MNAT1: variants seen among roughly 807,000 people sequenced by gnomAD.
MNAT1 encodes CDK-activating kinase assembly factor MAT1.
A neutral mutation model predicts 42.0 loss-of-function variants in MNAT1; 43 were observed. The observed-to-expected ratio is 1.02, with a 90% CI of 0.80 to 1.32. The LOEUF is 1.32. Among genes scored for constraint, MNAT1 ranks in the 40% most tolerant of loss-of-function variants. MNAT1 has a pLI of 0.00. For missense variants in MNAT1, 306 were observed against 350.4 expected (o/e 0.87, Z 1.01); for synonymous variants, 118 against 120.0 (o/e 0.98, Z 0.11).
intron 5 of MNAT1, 72 bp downstream of exon 5, chr14:60,812,199 T>C (rs2032574914): frequency 2.1e-6 from 3 of 1,403,108 alleles, no homozygotes; most frequent in African/African-American, 2.9e-5. Context: ...GGCTGGATGA[T>C]GGCATTTAAA....
chr14:60,743,124 A>G (rs976125417), intron 1 of MNAT1, among the ~76,000 whole-genome samples: 6 of 152,198 alleles, frequency 3.9e-5, no homozygotes, highest in African/African-American at 7.2e-5. Flanking sequence ...GTAGTTGCCA[A>G]TGCTTGTTAT....
At chr14:60,912,838 C>T (rs188673497) in intron 7 of MNAT1, among the ~76,000 whole-genome samples, 6 of 152,136 alleles carry the variant, frequency 3.9e-5, no homozygotes, top group African/African-American at 1.2e-4. Context: ...ATCTTAGTGG[C>T]GTTCTCTGTA....
chr14:60,866,307 CTTT>C (rs58874872), intron 6 of MNAT1, among the ~76,000 whole-genome samples: 108 of 94,360 alleles, frequency 1.1e-3, no homozygotes, highest in Admixed American at 1.8e-3. Flanking sequence ...TTATTTTGAC[CTTT>C]TTTTTTTTTT....
At position 60,921,473 on chromosome 14, in the gene MNAT1, T is replaced by C. The variant is rs78963660; in HGVS notation, c.809+41638T>C. Among the ~76,000 whole-genome samples, 267 of 152,226 alleles carry C rather than the reference T, an allele frequency of 1.8e-3. No individual in the cohort carries two copies. In the East Asian group the frequency reaches 0.028, roughly 16 times the overall value. ...ATAAGCCATAAGTGGTCTCTGTTCT[T>C]AGGAAATATAAACCCATCACCCCTA... On this transcript the variant is annotated intron_variant, in intron 7 of 7. Transcript: ENST00000261245.
chr14:60,956,279 G>A (rs2036486774), intron 7 of MNAT1, among the ~76,000 whole-genome samples: 1 of 152,170 alleles, frequency 6.6e-6, no homozygotes, highest in African/African-American at 2.4e-5. Flanking sequence ...GTTCATGAGT[G>A]TGTTGTTTAA....
intron 1 of MNAT1, among the ~76,000 whole-genome samples, chr14:60,742,724 C>T (rs1043558851): frequency 6.6e-6 from 1 of 152,164 alleles, no homozygotes; most frequent in Non-Finnish European, 1.5e-5. Context: ...CTATTCTGGA[C>T]CTTTCATATA....
At chr14:60,803,451 T>C (rs1295999988) in intron 3 of MNAT1, among the ~76,000 whole-genome samples, 1 of 152,154 alleles carries the variant, frequency 6.6e-6, no homozygotes, top group Non-Finnish European at 1.5e-5. Flanking sequence ...TTATTCCTAT[T>C]TTGCATCTGG....
chr14:60,888,153 A>T (rs548818464), intron 7 of MNAT1, among the ~76,000 whole-genome samples: 3 of 139,900 alleles, frequency 2.1e-5, no homozygotes, highest in Non-Finnish European at 4.6e-5. Flanking sequence ...CAAAAAAGAG[A>T]ATTTTAGACC....
intron 7 of MNAT1, among the ~76,000 whole-genome samples, chr14:60,921,880 C>T (rs2035668597): frequency 6.6e-6 from 1 of 152,096 alleles, no homozygotes; most frequent in Admixed American, 6.5e-5. Context: ...CCCATATTTA[C>T]ACAACTCAAT....
chr14:60,906,385 G>A (rs4151344), intron 7 of MNAT1, among the ~76,000 whole-genome samples: 1,970 of 152,288 alleles, frequency 0.013, 45 homozygotes, highest in African/African-American at 0.045. Context: ...CATCTAGAAA[G>A]GTCTGTCATC....
At chr14:60,865,746 A>G (rs1292531430) in intron 6 of MNAT1, among the ~76,000 whole-genome samples, 1 of 152,104 alleles carries the variant, frequency 6.6e-6, no homozygotes, top group Non-Finnish European at 1.5e-5. Context: ...TTTTTCTTGT[A>G]TTTTGCTTTT....
At chr14:60,872,906 A>G (rs1008365600) in intron 6 of MNAT1, among the ~76,000 whole-genome samples, 2 of 151,874 alleles carry the variant, frequency 1.3e-5, no homozygotes, top group African/African-American at 2.4e-5. Context: ...GAACCGTTCT[A>G]AAGTAAATTA....
chr14:60,875,493 A>G (rs988483962), intron 6 of MNAT1, among the ~76,000 whole-genome samples: 1 of 152,092 alleles, frequency 6.6e-6, no homozygotes, highest in Non-Finnish European at 1.5e-5. Flanking sequence ...CACAATATCT[A>G]ACCCCCATTT....
At chr14:60,911,938 A>T (rs758953485) in intron 7 of MNAT1, among the ~76,000 whole-genome samples, 3,476 of 152,012 alleles carry the variant, frequency 0.023, 61 homozygotes, top group Non-Finnish European at 0.038. Flanking sequence ...GTCTCCCATT[A>T]TTATTGTGTG....
intron 7 of MNAT1, among the ~76,000 whole-genome samples, chr14:60,906,249 G>A (rs898129659): frequency 2.6e-5 from 4 of 152,172 alleles, no homozygotes; most frequent in Non-Finnish European, 4.4e-5. Flanking sequence ...TTTATGTAAG[G>A]GGGCAGGCTA....
chr14:60,906,743 T>G (rs555734996), intron 7 of MNAT1, among the ~76,000 whole-genome samples: 1 of 152,336 alleles, frequency 6.6e-6, no homozygotes, highest in South Asian at 2.1e-4. Flanking sequence ...AAAATGAACA[T>G]GTACTGACAG....
intron 1 of MNAT1, among the ~76,000 whole-genome samples, chr14:60,756,214 A>G (rs1353798206): frequency 1.3e-5 from 2 of 152,214 alleles, no homozygotes; most frequent in Non-Finnish European, 2.9e-5. Flanking sequence ...CGAGCTGTCT[A>G]TGTCATTAAG....
intron 7 of MNAT1, among the ~76,000 whole-genome samples, chr14:60,953,667 G>T (rs1594907139): frequency 6.6e-6 from 1 of 152,210 alleles, no homozygotes; most frequent in East Asian, 1.9e-4. Flanking sequence ...GAGTGCATAT[G>T]GTAGTTCTGT....
chr14:60,838,590 A>G (rs1184233503), intron 6 of MNAT1, among the ~76,000 whole-genome samples: 2 of 152,232 alleles, frequency 1.3e-5, no homozygotes. Context: ...CACCAGCTGC[A>G]GTGGGGAAGG....
Sources: allele counts gnomAD v4.1 joint callset (sites outside exome capture counted in the v4.1 genomes callset), GRCh38; gene constraint gnomAD v4.1.1; transcripts MANE v1.5; gene names NCBI Gene and HGNC (gene_info 2026-07-23, HGNC 2026-07-21).